The following SAMD5 variants were observed in gnomAD, a reference collection of about 807,000 sequenced individuals.
The protein encoded by SAMD5 is sterile alpha motif domain-containing protein 5.
In SAMD5, 13 loss-of-function variants were observed where a neutral mutation model predicts 11.3. That is an observed-to-expected ratio of 1.15 (90% CI 0.75 to 1.83). The LOEUF (loss-of-function observed/expected upper bound fraction) is 1.83. SAMD5 is among the 40% of genes most tolerant of loss of function. The pLI is 0.00. For synonymous variants in SAMD5, 129 were observed against 111.3 expected, an observed-to-expected ratio of 1.16 and a Z score of -1.00; for missense variants, 255 against 239.1, an observed-to-expected ratio of 1.07 and a Z score of -0.44.
chr6:147,549,854 G>C (rs768346642), intron 1 of SAMD5, among the ~76,000 whole-genome samples: 19 of 151,836 alleles, frequency 1.3e-4, no homozygotes, highest in Non-Finnish European at 1.0e-4. Flanking sequence ...AACACAAACA[G>C]TTTGCTACTT....
downstream of SAMD5, among the ~76,000 whole-genome samples, chr6:147,574,087 C>T (rs545257065): frequency 1.3e-5 from 2 of 150,570 alleles, no homozygotes; most frequent in South Asian, 4.2e-4. Context: ...GAGATCGCGC[C>T]ACTGCACTCC....
intron 1 of SAMD5, among the ~76,000 whole-genome samples, chr6:147,632,946 C>T (rs1167391877): frequency 1.3e-5 from 2 of 151,932 alleles, no homozygotes; most frequent in African/African-American, 4.8e-5. Flanking sequence ...CCTTCTTAAC[C>T]TCCTTCCTTT....
At chr6:147,605,861 A>G (rs937331785) in intron 1 of SAMD5, among the ~76,000 whole-genome samples, 3 of 152,156 alleles carry the variant, frequency 2.0e-5, no homozygotes, top group African/African-American at 7.2e-5. Flanking sequence ...TGGGAAGCCA[A>G]AAAGGCAAAG....
At chr6:147,613,361 C>A (rs758279093) in intron 1 of SAMD5, among the ~76,000 whole-genome samples, 131 of 151,922 alleles carry the variant, frequency 8.6e-4, no homozygotes, top group Non-Finnish European at 1.0e-3. Flanking sequence ...GAGCCCCACG[C>A]ACTAAGAGAT....
At chr6:147,591,427 G>A (rs1266317913) in intron 1 of SAMD5, among the ~76,000 whole-genome samples, 1 of 152,122 alleles carries the variant, frequency 6.6e-6, no homozygotes, top group Non-Finnish European at 1.5e-5. Flanking sequence ...GAGGGTCACC[G>A]CACTCGGGAG....
chr6:147,637,901 T>C (rs146116466), intron 1 of SAMD5, among the ~76,000 whole-genome samples: 98 of 152,194 alleles, frequency 6.4e-4, no homozygotes, highest in African/African-American at 2.1e-3. Flanking sequence ...AATACCTTTG[T>C]TCAGTACCAG....
At chr6:147,650,964 T>TATC (rs5880723) in intron 1 of SAMD5, among the ~76,000 whole-genome samples, 79,847 of 151,684 alleles carry the variant, frequency 0.53, 22,072 homozygotes, top group African/African-American at 0.7. Flanking sequence ...TTTTATTACT[T>TATC]ATGAATTTCT....
chr6:147,720,797 A>T (rs1011080358), intron 1 of SAMD5, among the ~76,000 whole-genome samples: 1 of 149,262 alleles, frequency 6.7e-6, no homozygotes, highest in East Asian at 2.0e-4. Flanking sequence ...CGCTGCACCC[A>T]CTAACTCGTC....
At chr6:147,833,713 T>C in the SAMD5 span, among the ~76,000 whole-genome samples, 5 of 152,238 alleles carry the variant, frequency 3.3e-5, no homozygotes, top group Non-Finnish European at 5.9e-5. Flanking sequence ...ATTTTTTCAA[T>C]CAAGAAATAC....
chr6:147,916,595 G>A, the SAMD5 span, among the ~76,000 whole-genome samples: 1 of 151,888 alleles, frequency 6.6e-6, no homozygotes, highest in East Asian at 1.9e-4. Flanking sequence ...TAGGGTACAT[G>A]TGTACAATGT....
At chr6:147,545,219 G>A (rs1788666657) in intron 1 of SAMD5, among the ~76,000 whole-genome samples, 1 of 152,164 alleles carries the variant, frequency 6.6e-6, no homozygotes, top group Non-Finnish European at 1.5e-5. Flanking sequence ...TACATTAGAG[G>A]ACTGTAAAAT....
intron 1 of SAMD5, among the ~76,000 whole-genome samples, chr6:147,630,634 C>T (rs1790135437): frequency 1.3e-5 from 2 of 151,456 alleles, no homozygotes; most frequent in African/African-American, 2.4e-5. Context: ...AGCCCCACCC[C>T]TATCTCCCTT....
At chr6:147,923,867 G>A in the SAMD5 span, among the ~76,000 whole-genome samples, 1 of 152,154 alleles carries the variant, frequency 6.6e-6, no homozygotes, top group Admixed American at 6.5e-5. Flanking sequence ...AAGGTGCTGG[G>A]CATATATAGG....
chr6:147,843,942 C>A, the SAMD5 span, among the ~76,000 whole-genome samples: 1 of 152,092 alleles, frequency 6.6e-6, no homozygotes. Flanking sequence ...ACAGTGATTT[C>A]TTGAATATGA....
intron 1 of SAMD5, among the ~76,000 whole-genome samples, chr6:147,726,828 T>C (rs1394387404): frequency 2.0e-5 from 3 of 152,212 alleles, no homozygotes; most frequent in Non-Finnish European, 4.4e-5. Flanking sequence ...ACCTGGCTTG[T>C]TATAATCGCT....
At chr6:147,792,360 T>A in the SAMD5 span, among the ~76,000 whole-genome samples, 2 of 152,198 alleles carry the variant, frequency 1.3e-5, no homozygotes, top group Non-Finnish European at 2.9e-5. Context: ...TTTTCTTTGC[T>A]GGAGTAAGAG....
At chr6:147,511,264 A>T (rs1296296691) in intron 1 of SAMD5, among the ~76,000 whole-genome samples, 1 of 152,254 alleles carries the variant, frequency 6.6e-6, no homozygotes, top group Non-Finnish European at 1.5e-5. Flanking sequence ...AGGCAGACCT[A>T]CATATCAAAC....
the SAMD5 span, among the ~76,000 whole-genome samples, chr6:147,930,609 A>G: frequency 3.3e-5 from 5 of 152,140 alleles, no homozygotes; most frequent in Admixed American, 1.3e-4. Context: ...CATGGCTCCT[A>G]GGGCAGGCAG....
At chr6:147,903,578 C>A in the SAMD5 span, among the ~76,000 whole-genome samples, 1 of 152,228 alleles carries the variant, frequency 6.6e-6, no homozygotes, top group East Asian at 1.9e-4. Flanking sequence ...GAAGCTTAAG[C>A]AGATATTTCT....
Sources: gnomAD v4.1 joint callset for allele counts (sites outside exome capture counted in the v4.1 genomes callset) on GRCh38, gnomAD v4.1.1 for gene constraint, MANE v1.5 for transcripts, NCBI Gene and HGNC (gene_info 2026-07-23, HGNC 2026-07-21) for gene names.